Variants in TESC observed in about 807,000 individuals in gnomAD.
TESC encodes the protein calcineurin B homologous protein 3.
In TESC, 19 loss-of-function variants were observed where a neutral mutation model predicts 31.0. That is an observed-to-expected ratio of 0.61 (90% CI 0.43 to 0.90). The LOEUF (loss-of-function observed/expected upper bound fraction) is 0.90, where lower values mean the gene tolerates loss of function less well. Among genes scored for constraint, TESC ranks in the 40% least tolerant of loss-of-function variants. The pLI is 0.00. For missense variants in TESC, 248 were observed against 303.8 expected (o/e 0.82, Z 1.36); for synonymous variants, 109 against 114.8 (o/e 0.95, Z 0.32).
chr12:117,064,244 G>A (rs554199548), intron 2 of TESC, among the ~76,000 whole-genome samples: 2 of 152,320 alleles, frequency 1.3e-5, no homozygotes, highest in East Asian at 1.9e-4. Context: ...ACATGAATGC[G>A]TGAGAACTGC....
chr12:117,043,512 T>C (rs1171240379), intron 6 of TESC, among the ~76,000 whole-genome samples: 1 of 152,072 alleles, frequency 6.6e-6, no homozygotes, highest in Non-Finnish European at 1.5e-5. Context: ...GCTGGAGGAG[T>C]GCAGTGGCGC....
intron 1 of TESC, among the ~76,000 whole-genome samples, chr12:117,086,183 G>T (rs765688761): frequency 6.6e-6 from 1 of 152,288 alleles, no homozygotes. Flanking sequence ...TTTTTTGGAG[G>T]GCGATGAAAA....
intron 2 of TESC, among the ~76,000 whole-genome samples, chr12:117,066,666 A>T (rs1364783660): frequency 1.3e-5 from 2 of 151,988 alleles, no homozygotes; most frequent in African/African-American, 2.4e-5. Flanking sequence ...TGCCCAGCCA[A>T]CCTTAGTATA....
intron 2 of TESC, among the ~76,000 whole-genome samples, chr12:117,060,796 C>T (rs748332692): frequency 1.3e-5 from 2 of 152,158 alleles, no homozygotes; most frequent in Non-Finnish European, 2.9e-5. Flanking sequence ...CCTGGCCATC[C>T]GAATAGAATC....
At position 117,079,414 on chromosome 12, in the gene TESC, T is replaced by C. The variant is rs551192677; in HGVS notation, c.59-4074A>G. Among the ~76,000 whole-genome samples the C allele has an allele frequency of 2.1e-4, 32 of 152,122 alleles. No individual in the cohort carries two copies. The South Asian group carries it at 6.4e-3, about 31-fold the overall frequency. On this transcript the variant is annotated intron_variant, in intron 1 of 7. Transcript: ENST00000335209. ...CCATCTCTACTAAAAATAAAAAAAC[T>C]AGCCGAGAGTGGTGGCAGGCACCTG...
At chr12:117,065,688 A>G (rs1296347579) in intron 2 of TESC, among the ~76,000 whole-genome samples, 1 of 152,128 alleles carries the variant, frequency 6.6e-6, no homozygotes, top group African/African-American at 2.4e-5. Context: ...CAGGAGTTCA[A>G]GACCAGCCTT....
chr12:117,064,910 T>C (rs1309414615), intron 2 of TESC, among the ~76,000 whole-genome samples: 3 of 152,152 alleles, frequency 2.0e-5, no homozygotes, highest in Non-Finnish European at 4.4e-5. Context: ...TGAAGAATCA[T>C]CCAGCCCCAG....
Position 117,047,477 on chromosome 12 carries a change from T to C in TESC, c.350-639A>G, listed in dbSNP as rs1230297993. On this transcript the variant is annotated intron_variant, in intron 4 of 7. Coordinates refer to ENST00000335209, the MANE Select transcript of TESC (RefSeq NM_017899.4). ...TCTCGCTCTGTCACCCAGGCTGTAG[T>C]GTAGTGGCACGATCTGGGCTCTCTG... is the stretch of plus-strand genomic sequence containing the variant. 2.6e-5 allele frequency among the ~76,000 whole-genome samples: 4 copies of C among 151,992 alleles called. No individual in the cohort carries two copies. The East Asian group carries it at 5.8e-4, about 22-fold the overall frequency.
chr12:117,062,035 ATAACAGTAATAACGGCAGCAGCAG>A (rs1167303139), intron 2 of TESC, among the ~76,000 whole-genome samples: 1 of 152,218 alleles, frequency 6.6e-6, no homozygotes, highest in Non-Finnish European at 1.5e-5. Flanking sequence ...TTTTAAAATA[ATAACAGTAATAACGGCAGCAGCAG>A]TAACAGTAAT....
intron 2 of TESC, among the ~76,000 whole-genome samples, chr12:117,066,373 ATTTTTTT>A (rs55744717): frequency 7.7e-6 from 1 of 129,636 alleles, no homozygotes; most frequent in Non-Finnish European, 1.6e-5. Context: ...TGAATGGCTA[ATTTTTTT>A]TTTTTTTTTG....
intron 2 of TESC, among the ~76,000 whole-genome samples, chr12:117,065,348 TAG>T (rs1266819713): frequency 4.6e-5 from 7 of 151,078 alleles, no homozygotes; most frequent in Non-Finnish European, 8.8e-5. Context: ...CCTTGGGAGG[TAG>T]AAATGGCAGT....
chr12:117,073,904 A>G (rs896166645), intron 2 of TESC, among the ~76,000 whole-genome samples: 6 of 146,156 alleles, frequency 4.1e-5, no homozygotes, highest in African/African-American at 1.5e-4. Flanking sequence ...ACATAGCAAG[A>G]CCACGTCTCA....
At chr12:117,053,046 C>G (rs1954670603) in intron 3 of TESC, among the ~76,000 whole-genome samples, 1 of 152,236 alleles carries the variant, frequency 6.6e-6, no homozygotes, top group African/African-American at 2.4e-5. Context: ...TCCTGCCTAG[C>G]TCCCTCCTCA....
At chr12:117,070,446 T>G (rs1041592248) in intron 2 of TESC, among the ~76,000 whole-genome samples, 1 of 152,136 alleles carries the variant, frequency 6.6e-6, no homozygotes, top group Non-Finnish European at 1.5e-5. Context: ...GCTGTCACTA[T>G]GTGCAGCTGA....
At chr12:117,075,917 GTGTGTGTA>G (rs1565971676) in intron 1 of TESC, among the ~76,000 whole-genome samples, 4 of 76,932 alleles carry the variant, frequency 5.2e-5, no homozygotes, top group African/African-American at 2.9e-4. Flanking sequence ...ATATATATGT[GTGTGTGTA>G]TATATATATA....
At chr12:117,082,407 G>A (rs543015548) in intron 1 of TESC, among the ~76,000 whole-genome samples, 21 of 151,990 alleles carry the variant, frequency 1.4e-4, no homozygotes, top group Non-Finnish European at 2.5e-4. Context: ...AGAGGGCTGA[G>A]GCAGAAGAAT....
intron 7 of TESC, among the ~76,000 whole-genome samples, chr12:117,039,957 G>A (rs900878007): frequency 3.3e-5 from 5 of 152,376 alleles, no homozygotes; most frequent in Admixed American, 2.6e-4. Flanking sequence ...GCCCACGGGG[G>A]CCACAGATGG....
At chr12:117,051,548 G>A (rs562124238) in intron 3 of TESC, among the ~76,000 whole-genome samples, 8 of 152,250 alleles carry the variant, frequency 5.3e-5, no homozygotes, top group Non-Finnish European at 7.3e-5. Flanking sequence ...CACTGTGGGC[G>A]GCAGAGACCA....
intron 2 of TESC, among the ~76,000 whole-genome samples, chr12:117,062,246 G>T (rs891333696): frequency 5.3e-5 from 8 of 151,660 alleles, no homozygotes; most frequent in African/African-American, 1.9e-4. Context: ...TTTTGAGACG[G>T]AGTCTCACTC....
Sources: allele counts gnomAD v4.1 joint callset (sites outside exome capture counted in the v4.1 genomes callset), GRCh38; gene constraint gnomAD v4.1.1; transcripts MANE v1.5; gene names NCBI Gene and HGNC (gene_info 2026-07-23, HGNC 2026-07-21).